The following TUSC3 variants were observed in gnomAD, a reference collection of about 807,000 sequenced individuals.
TUSC3 encodes the protein tumor suppressor candidate 3.
In TUSC3, 45 loss-of-function variants were observed where a neutral mutation model predicts 44.8. The observed-to-expected ratio is 1.00, with a 90% CI of 0.79 to 1.29. The LOEUF (loss-of-function observed/expected upper bound fraction) is 1.29, where lower values mean the gene tolerates loss of function less well. Ranked by LOEUF, TUSC3 falls within the 50% of genes most tolerant of loss-of-function variation. The pLI, the probability that TUSC3 is intolerant of heterozygous loss-of-function variation, is 0.00. For missense variants in TUSC3, 519 were observed against 437.9 expected (o/e 1.19, Z -1.65); for synonymous variants, 212 against 152.9 (o/e 1.39, Z -2.85).
At chr8:15,450,002 C>T (rs929252862) in intron 1 of TUSC3, among the ~76,000 whole-genome samples, 2 of 152,048 alleles carry the variant, frequency 1.3e-5, no homozygotes, top group African/African-American at 4.8e-5. Flanking sequence ...AGGAGGCTAT[C>T]CCTCTAGGTT....
chr8:15,599,076 C>A (rs1236538343), intron 1 of TUSC3, among the ~76,000 whole-genome samples: 1 of 151,850 alleles, frequency 6.6e-6, no homozygotes, highest in Non-Finnish European at 1.5e-5. Flanking sequence ...AATGAGAATT[C>A]CTGCTGCTAC....
chr8:15,566,414 C>A (rs1802673704), intron 1 of TUSC3, among the ~76,000 whole-genome samples: 1 of 152,014 alleles, frequency 6.6e-6, no homozygotes, highest in African/African-American at 2.4e-5. Flanking sequence ...TTATTTTGAA[C>A]ATGTGCTATT....
chr8:15,726,991 A>G (rs1011356723), intron 6 of TUSC3, among the ~76,000 whole-genome samples: 1 of 152,136 alleles, frequency 6.6e-6, no homozygotes, highest in African/African-American at 2.4e-5. Context: ...AGTTAAATAT[A>G]TATTTTAGAA....
In TUSC3 at chr8:15,764,409, A is replaced by T. The variant is rs1374291923; in HGVS notation, c.*253A>T. 1 of 566,298 alleles carries T rather than the reference A, an allele frequency of 1.8e-6. No homozygotes were observed. The highest frequency in any genetic ancestry group is 3.3e-5 in the East Asian group (1 of 30,486). 35.1% of individuals were successfully genotyped at this position (566,298 alleles called of 1,614,324 possible). A position where few individuals can be genotyped will look rare whatever the true frequency, so the allele number is the denominator to read the frequency against. On this transcript the variant is annotated 3_prime_UTR_variant, in exon 11 of 11. Transcript: ENST00000503731. ...GGTAGCATTTAGTAATCTACAAAGG[A>T]AATATCAAAGTGTTTTTCAAGCCTG... is the stretch of plus-strand genomic sequence containing the variant.
At chr8:15,831,840 A>T in the TUSC3 span, among the ~76,000 whole-genome samples, 1 of 152,312 alleles carries the variant, frequency 6.6e-6, no homozygotes, top group African/African-American at 2.4e-5. Context: ...AAAGAGATGG[A>T]GAGAGTGTGA....
intron 1 of TUSC3, among the ~76,000 whole-genome samples, chr8:15,423,988 T>TG (rs1563247246): frequency 3.6e-5 from 4 of 109,644 alleles, no homozygotes; most frequent in Non-Finnish European, 5.5e-5. Context: ...TTTTTTTTTT[T>TG]TTTTTTTTTT....
chr8:15,657,077 A>AG (rs1248111479), intron 3 of TUSC3, among the ~76,000 whole-genome samples: 4 of 152,160 alleles, frequency 2.6e-5, no homozygotes, highest in African/African-American at 9.7e-5. Flanking sequence ...AAGAGCTCTG[A>AG]AATGCCTTCA....
chr8:15,686,956 C>T (rs1808658126), intron 6 of TUSC3, among the ~76,000 whole-genome samples: 4 of 152,040 alleles, frequency 2.6e-5, no homozygotes, highest in Admixed American at 2.6e-4. Flanking sequence ...TAGTCCGGTC[C>T]CAGCTACTCG....
chr8:15,448,570 G>C (rs1375129284), intron 1 of TUSC3, among the ~76,000 whole-genome samples: 1 of 152,162 alleles, frequency 6.6e-6, no homozygotes, highest in Non-Finnish European at 1.5e-5. Context: ...AAAAGTGTAT[G>C]ATGTAGAAGA....
intron 6 of TUSC3, among the ~76,000 whole-genome samples, chr8:15,715,481 A>ACGAAGG (rs770299389): frequency 1.3e-5 from 2 of 152,080 alleles, no homozygotes; most frequent in Non-Finnish European, 2.9e-5. Context: ...GATATGCTCT[A>ACGAAGG]CGAAGGCATG....
chr8:15,817,728 C>G, the TUSC3 span, among the ~76,000 whole-genome samples: 2 of 152,178 alleles, frequency 1.3e-5, no homozygotes, highest in Non-Finnish European at 2.9e-5. Flanking sequence ...AATTAAACCC[C>G]TTTCCTTTAT....
intron 6 of TUSC3, among the ~76,000 whole-genome samples, chr8:15,696,500 C>T (rs1809172655): frequency 6.6e-6 from 1 of 152,166 alleles, no homozygotes; most frequent in African/African-American, 2.4e-5. Flanking sequence ...GGTCAAAGCG[C>T]TCACACAGAG....
chr8:15,701,889 C>A (rs1338263696), intron 6 of TUSC3, among the ~76,000 whole-genome samples: 2 of 152,126 alleles, frequency 1.3e-5, no homozygotes, highest in African/African-American at 4.8e-5. Context: ...TTTCTTGAAG[C>A]AAACAGTAGG....
chr8:15,735,883 G>GT (rs1256092839), intron 7 of TUSC3, among the ~76,000 whole-genome samples: 4 of 35,082 alleles, frequency 1.1e-4, no homozygotes, highest in Non-Finnish European at 2.2e-4. Flanking sequence ...TTTTTTTTTT[G>GT]TTTTTTTGGT....
At chr8:15,690,820 C>G (rs575000859) in intron 6 of TUSC3, among the ~76,000 whole-genome samples, 1 of 151,716 alleles carries the variant, frequency 6.6e-6, no homozygotes, top group African/African-American at 2.4e-5. Flanking sequence ...AGGTGTGCAG[C>G]ATTACTTCTG....
At chr8:15,470,707 G>A (rs1378505705) in intron 1 of TUSC3, among the ~76,000 whole-genome samples, 1 of 151,994 alleles carries the variant, frequency 6.6e-6, no homozygotes, top group Non-Finnish European at 1.5e-5. Flanking sequence ...ATCCCTTCCT[G>A]CCAAAGCCAC....
At chr8:15,508,128 A>G (rs2129127904) in intron 2 of TUSC3, among the ~76,000 whole-genome samples, 2 of 152,166 alleles carry the variant, frequency 1.3e-5, no homozygotes, top group Middle Eastern at 6.8e-3. Flanking sequence ...AGTCCCAGCT[A>G]CTCAGGAACG....
intron 1 of TUSC3, among the ~76,000 whole-genome samples, chr8:15,479,357 C>T (rs931605850): frequency 6.6e-6 from 1 of 152,046 alleles, no homozygotes; most frequent in Non-Finnish European, 1.5e-5. Context: ...ATATTTTTGC[C>T]CGTGCCTATG....
chr8:15,598,433 T>C (rs2129153509), intron 1 of TUSC3, among the ~76,000 whole-genome samples: 1 of 151,988 alleles, frequency 6.6e-6, no homozygotes, highest in East Asian at 1.9e-4. Context: ...TGTGGTACAT[T>C]TGTTAAAATT....
Sources: gnomAD v4.1 joint callset for allele counts (sites outside exome capture counted in the v4.1 genomes callset) on GRCh38, gnomAD v4.1.1 for gene constraint, MANE v1.5 for transcripts, NCBI Gene and HGNC (gene_info 2026-07-23, HGNC 2026-07-21) for gene names.